The following NBEA variants were observed in gnomAD, a reference collection of about 807,000 sequenced individuals.
The protein encoded by NBEA is lysosomal-trafficking regulator 2.
NBEA carries 44 observed loss-of-function variants against 343.4 expected under a neutral mutation model. The ratio of observed to expected loss-of-function variants is 0.13; its 90% CI spans 0.10 to 0.16. The LOEUF (loss-of-function observed/expected upper bound fraction) is 0.16. Among genes scored for constraint, NBEA ranks in the 10% least tolerant of loss-of-function variants. The pLI is 1.00. For missense variants in NBEA, 2,555 were observed against 3,631.3 expected (o/e 0.70, Z 7.62); for synonymous variants, 1,175 against 1,238.7 (o/e 0.95, Z 1.08).
chr13:35,315,867 G>A (rs2037679835), intron 36 of NBEA, among the ~76,000 whole-genome samples: 1 of 151,942 alleles, frequency 6.6e-6, no homozygotes, highest in Non-Finnish European at 1.5e-5. Context: ...ACAAGCATTG[G>A]TTTGCTTGAG....
At position 35,475,308 on chromosome 13, in the gene NBEA, C is replaced by G. The variant is rs778341866; in HGVS notation, c.6585+2772C>G. 1.2e-5 allele frequency: 20 copies of G among 1,614,056 alleles called. 1 individual carries two copies. In the South Asian group the frequency reaches 1.8e-4, roughly 14 times the overall value. On this transcript the variant is annotated intron_variant, in intron 41 of 58. Coordinates refer to ENST00000379939, the MANE Select transcript of NBEA (RefSeq NM_001385012.1). ...GATGCTTTTCACACTCGTAGGAAAC[C>G]AGAGTCTTCATATGGTAATTGTTCA...
At chr13:35,142,466 T>C in intron 18 of NBEA, 89 bp downstream of exon 18, 1 of 777,730 alleles carries the variant, frequency 1.3e-6, no homozygotes, top group Non-Finnish European at 2.0e-6. Context: ...AGTTGGTCTG[T>C]TAATCTAAAA....
chr13:35,383,476 A>G (rs1198075381), intron 38 of NBEA, among the ~76,000 whole-genome samples: 3 of 152,288 alleles, frequency 2.0e-5, no homozygotes, highest in South Asian at 4.1e-4. Flanking sequence ...ATGATTGTCA[A>G]TGTGTAGCTG....
At chr13:35,355,982 A>C (rs930966210) in intron 38 of NBEA, among the ~76,000 whole-genome samples, 1 of 152,034 alleles carries the variant, frequency 6.6e-6, no homozygotes, top group Non-Finnish European at 1.5e-5. Flanking sequence ...TTCCAATAGC[A>C]TGTAAGCTTC....
intron 10 of NBEA, among the ~76,000 whole-genome samples, chr13:35,085,278 CA>C (rs1253736383): frequency 2.6e-5 from 4 of 151,548 alleles, no homozygotes; most frequent in African/African-American, 9.7e-5. Context: ...GAGACACAAC[CA>C]AAAAAGAGAA....
intron 48 of NBEA, among the ~76,000 whole-genome samples, chr13:35,622,355 G>A (rs937588450): frequency 6.6e-6 from 1 of 152,104 alleles, no homozygotes; most frequent in Non-Finnish European, 1.5e-5. Flanking sequence ...CTTTGAAAAA[G>A]AGAATGGCAA....
intron 11 of NBEA, among the ~76,000 whole-genome samples, chr13:35,106,851 T>G (rs2065942563): frequency 6.6e-6 from 1 of 151,824 alleles, no homozygotes; most frequent in Admixed American, 6.6e-5. Context: ...CCAAACTTGT[T>G]TCTATATTAT....
chr13:35,448,900 T>C (rs1373514190), intron 39 of NBEA, among the ~76,000 whole-genome samples: 1 of 152,152 alleles, frequency 6.6e-6, no homozygotes, highest in East Asian at 1.9e-4. Context: ...AGTTGAATTA[T>C]GTGTAAGCTG....
In NBEA at chr13:35,416,922, T is replaced by C. The variant is rs540682260; in HGVS notation, c.6180-15347T>C. The stretch of plus-strand genomic sequence containing the variant: ...ATTGCCTCAATTTCAGAACCTGTTA[T>C]TGGTCTATTCAGGGATTGAACTTCT... On this transcript the variant is annotated intron_variant, in intron 38 of 58. Transcript: ENST00000379939. Among the ~76,000 whole-genome samples the C allele has an allele frequency of 5.3e-5, 8 of 152,310 alleles. No homozygotes were observed. In the East Asian group the frequency reaches 1.2e-3, roughly 22 times the overall value.
intron 17 of NBEA, among the ~76,000 whole-genome samples, chr13:35,139,514 G>A (rs2067949141): frequency 6.6e-6 from 1 of 152,098 alleles, no homozygotes; most frequent in African/African-American, 2.4e-5. Context: ...GTCGATCCAT[G>A]TGGGCAGAAA....
At chr13:35,383,357 T>C (rs1429338490) in intron 38 of NBEA, among the ~76,000 whole-genome samples, 1 of 152,146 alleles carries the variant, frequency 6.6e-6, no homozygotes, top group Non-Finnish European at 1.5e-5. Context: ...ATATATTAAC[T>C]GTCAATAGCA....
At chr13:35,566,362 A>G (rs2080138194) in intron 44 of NBEA, among the ~76,000 whole-genome samples, 1 of 68,864 alleles carries the variant, frequency 1.5e-5, no homozygotes, top group African/African-American at 6.2e-5. Context: ...CACCATCTCA[A>G]AATAAATAAA....
intron 45 of NBEA, 30 bp downstream of exon 45, chr13:35,567,047 T>G: frequency 8.3e-7 from 1 of 1,199,716 alleles, no homozygotes; most frequent in Non-Finnish European, 1.2e-6. Context: ...AAGTCAGCTT[T>G]CTTCATAAGG....
intron 1 of NBEA, among the ~76,000 whole-genome samples, chr13:34,953,444 A>G (rs1446311009): frequency 2.0e-5 from 3 of 152,142 alleles, no homozygotes; most frequent in Non-Finnish European, 4.4e-5. Flanking sequence ...ACATTTCTCA[A>G]GTCATCATAT....
chr13:35,569,103 T>C (rs2080275764), intron 45 of NBEA, among the ~76,000 whole-genome samples: 1 of 152,194 alleles, frequency 6.6e-6, no homozygotes, highest in Admixed American at 6.5e-5. Context: ...AATAGAGTGG[T>C]GAATCATTGA....
At chr13:35,575,886 C>CT (rs1363464560) in intron 45 of NBEA, among the ~76,000 whole-genome samples, 3 of 151,982 alleles carry the variant, frequency 2.0e-5, no homozygotes, top group South Asian at 2.1e-4. Flanking sequence ...ACACCCCCAC[C>CT]TTTTTTTTCA....
chr13:35,666,425 A>T (rs1414855682), intron 56 of NBEA, among the ~76,000 whole-genome samples: 1 of 151,648 alleles, frequency 6.6e-6, no homozygotes, highest in African/African-American at 2.4e-5. Context: ...AAAAAAAAAA[A>T]AAGGAAAATA....
At chr13:35,327,136 G>A (rs1301397558) in intron 36 of NBEA, among the ~76,000 whole-genome samples, 2 of 152,008 alleles carry the variant, frequency 1.3e-5, no homozygotes, top group African/African-American at 4.8e-5. Flanking sequence ...GCAGGTGCTG[G>A]AGAGGCTGTG....
intron 44 of NBEA, among the ~76,000 whole-genome samples, chr13:35,563,148 TAGATA>T (rs1485791119): frequency 9.9e-6 from 1 of 101,372 alleles, no homozygotes; most frequent in Non-Finnish European, 2.6e-5. Context: ...GATAGATAGA[TAGATA>T]GATAGATAGA....
Sources: gnomAD v4.1 joint callset for allele counts (sites outside exome capture counted in the v4.1 genomes callset) on GRCh38, gnomAD v4.1.1 for gene constraint, MANE v1.5 for transcripts, NCBI Gene and HGNC (gene_info 2026-07-23, HGNC 2026-07-21) for gene names.